Variants in APC observed in about 807,000 individuals in gnomAD.
APC encodes the protein APC regulator of Wnt signaling pathway, also known as adenomatous polyposis coli protein.
Under a neutral mutation model 247.0 loss-of-function variants are expected in APC, and 72 were observed. That is an observed-to-expected ratio of 0.29 (90% CI 0.24 to 0.35). APC has a LOEUF of 0.35. Among genes scored for constraint, APC ranks in the 10% least tolerant of loss-of-function variants. The pLI is 1.00. For synonymous variants in APC, 1,254 were observed against 1,162.5 expected, an observed-to-expected ratio of 1.08 and a Z score of -1.60; for missense variants, 3,400 against 3,360.7, an observed-to-expected ratio of 1.01 and a Z score of -0.29.
chr5:112,838,055 G>A lies in APC; in HGVS notation c.2461G>A (p.Val821Ile), dbSNP rs138498551. Residue 821 changes from valine (V) to isoleucine (I), a missense_variant, in exon 16 of 16, where the codon GTC (valine) becomes ATC (isoleucine). Coordinates refer to ENST00000257430, the MANE Select transcript of APC (RefSeq NM_000038.6). Reference sequence around the variant, plus strand: ...CAATTTTAATACTGGCAACATGACTGTCCTTTCACCATATTTGAATACTAC... The same window carrying A: ...CAATTTTAATACTGGCAACATGACTATCCTTTCACCATATTTGAATACTAC... ...SDNFNTGNMT[V>I]LSPYLNTTVL... 19 of 1,614,150 alleles carry A rather than the reference G, an allele frequency of 1.2e-5. No individual in the cohort carries two copies. In the African/African-American group the frequency reaches 2.3e-4, roughly 19 times the overall value.
intron 8 of APC, chr5:112,810,408 A>G: frequency 4.5e-6 from 1 of 219,866 alleles, no homozygotes; most frequent in Non-Finnish European, 9.3e-6. Context: ...GCAGTAAGAG[A>G]AGAAGAGCCA....
chr5:112,749,967 TG>T (rs1754138553), intron 1 of APC, among the ~76,000 whole-genome samples: 1 of 146,420 alleles, frequency 6.8e-6, no homozygotes, highest in Non-Finnish European at 1.5e-5. Flanking sequence ...TTTTTTTTTT[TG>T]TTTTTTTTTT....
At position 112,707,549 on chromosome 5, in the gene APC, G is replaced by A. The variant is rs1750575005; in HGVS notation, c.-169G>A. ...AGATGGCGGAGGGCAAGTAGCAAGG[G>A]GGCGGGGTGTGGCCGCCGGAAGCCT... On this transcript the variant is annotated 5_prime_UTR_variant, in exon 1 of 14. Transcript: ENST00000507379. The A allele has an allele frequency of 1.8e-6, 1 of 562,980 alleles. No individual in the cohort carries two copies. Among genetic ancestry groups the A allele is most frequent in the East Asian group, 4.0e-5 (1 of 25,112 alleles). 34.9% of individuals were successfully genotyped at this position (562,980 alleles called of 1,614,324 possible).
rs1432451765 is a variant in APC at position 112,842,297 on chromosome 5, G to A, written c.6703G>A (p.Gly2235Arg). ...AGGCAGGACAATGATTCATATTCCA[G>A]GAGTTCGAAATAGCTCCTCAAGTAC... Reference protein sequence around the residue: ...SRGRTMIHIPGVRNSSSSTSP... With the variant: ...SRGRTMIHIPRVRNSSSSTSP... The change falls in exon 16 of 16, where the codon GGA becomes AGA. Residue 2235 changes from glycine to arginine, a missense_variant. Physicochemically the swap from Gly to Arg is moderately radical, Grantham distance 125. Around this residue, in one of 9 missense-constraint regions of APC, gnomAD observed 1,788 missense variants for 1,649.5 expected, o/e 1.08. Coordinates refer to ENST00000257430, the MANE Select transcript of APC (RefSeq NM_000038.6). 3 of 1,613,798 alleles carry A rather than the reference G, an allele frequency of 1.9e-6. No individual in the cohort carries two copies. The African/African-American group carries it at 4.0e-5, about 22-fold the overall frequency.
At chr5:112,835,680 C>G (rs1364943904) in intron 15 of APC, among the ~76,000 whole-genome samples, 1 of 150,800 alleles carries the variant, frequency 6.6e-6, no homozygotes, top group East Asian at 2.0e-4. Context: ...TCAAGCGATT[C>G]TCCCACCTCA....
At chr5:112,758,678 G>C (rs1561450380) in intron 2 of APC, among the ~76,000 whole-genome samples, 1 of 151,544 alleles carries the variant, frequency 6.6e-6, no homozygotes, top group Non-Finnish European at 1.5e-5. Context: ...CCAGGCTGGA[G>C]TGCAGTGGCA....
At chr5:112,777,693 G>A (rs1011828323) in intron 5 of APC, 2 of 218,644 alleles carry the variant, frequency 9.1e-6, no homozygotes, top group African/African-American at 2.3e-5. Context: ...TCTTTTATAA[G>A]CAATTACATT....
intron 1 of APC, among the ~76,000 whole-genome samples, chr5:112,717,908 C>CTTTTTTCTTTTTTTT (rs1751265302): frequency 4.9e-5 from 2 of 40,634 alleles, no homozygotes; most frequent in African/African-American, 8.8e-5. Flanking sequence ...TTTTCTTTTT[C>CTTTTTTCTTTTTTTT]TTTTTTTTTT....
At chr5:112,778,653 T>A (rs1254340863) in intron 5 of APC, among the ~76,000 whole-genome samples, 1 of 149,668 alleles carries the variant, frequency 6.7e-6, no homozygotes, top group Non-Finnish European at 1.5e-5. Flanking sequence ...TTCAAGCGAT[T>A]CTCCTGCCTC....
At position 112,769,167 on chromosome 5, in the gene APC, C is replaced by T. The variant is rs374624822; in HGVS notation, c.422+1777C>T. Among the ~76,000 whole-genome samples, 3 of 147,074 alleles carry T rather than the reference C, an allele frequency of 2.0e-5. No individual in the cohort carries two copies. The South Asian group carries it at 6.5e-4, about 32-fold the overall frequency. ...CTAGGTTCAAGCAATTCTCATGTCT[C>T]AGCCTCCCGGGTAGCTGGGATTACA... On this transcript the variant is annotated intron_variant, in intron 4 of 15. Coordinates refer to ENST00000257430, the MANE Select transcript of APC (RefSeq NM_000038.6).
rs1554084496 is a variant in APC, at chr5:112,838,407, C to G, written c.2813C>G (p.Thr938Ser). The G allele has an allele frequency of 2.5e-6, 4 of 1,614,072 alleles. No individual in the cohort carries two copies. The Admixed American group carries it at 5.0e-5, about 20-fold the overall frequency. The stretch of plus-strand genomic sequence containing the variant: ...ACACATTCAAACACTTACAATTTCA[C>G]TAAGTCGGAAAATTCAAATAGGACA... ...AHTHSNTYNFTKSENSNRTCS... is the reference protein window; with the variant it reads ...AHTHSNTYNFSKSENSNRTCS... The change falls in exon 16 of 16, where the codon ACT becomes AGT. Residue 938 changes from threonine to serine, a missense_variant. Thr to Ser is a moderately conservative substitution (Grantham distance 58). Coordinates refer to ENST00000257430, the MANE Select transcript of APC (RefSeq NM_000038.6).
At chr5:112,758,624 C>T (rs1363441709) in intron 2 of APC, among the ~76,000 whole-genome samples, 2 of 150,600 alleles carry the variant, frequency 1.3e-5, no homozygotes, top group African/African-American at 2.4e-5. Flanking sequence ...ACGCCTGGCC[C>T]CCTCCCCACA....
At chr5:112,758,084 G>A (rs1400563725) in intron 2 of APC, among the ~76,000 whole-genome samples, 2 of 151,816 alleles carry the variant, frequency 1.3e-5, no homozygotes, top group Non-Finnish European at 2.9e-5. Context: ...ACCATGAATT[G>A]ATAATTATTG....
intron 1 of APC, among the ~76,000 whole-genome samples, chr5:112,713,222 T>C (rs1437541337): frequency 6.6e-6 from 1 of 151,688 alleles, no homozygotes; most frequent in Non-Finnish European, 1.5e-5. Context: ...AAATGGAGTA[T>C]TCCATGGTTA....
chr5:112,787,001 C>T (rs1580403361), intron 6 of APC, among the ~76,000 whole-genome samples: 1 of 150,194 alleles, frequency 6.7e-6, no homozygotes, highest in Admixed American at 6.7e-5. Flanking sequence ...GATTCTTGTG[C>T]CTCAGGCTCC....
rs181844624 is a variant in APC, at chr5:112,776,783, A to G, written c.531+1046A>G. Among the ~76,000 whole-genome samples, 11 of 152,188 alleles carry G rather than the reference A, an allele frequency of 7.2e-5. No individual in the cohort carries two copies. The East Asian group carries it at 9.6e-4, about 13-fold the overall frequency. ...TTGAACCTGGGAGGCAGAGGTTGCAATGATCCAAGTTCATGCCACTGCACT... is the reference window on the plus strand; with the variant it reads ...TTGAACCTGGGAGGCAGAGGTTGCAGTGATCCAAGTTCATGCCACTGCACT... On this transcript the variant is annotated intron_variant, in intron 5 of 15. Transcript: ENST00000257430.
At chr5:112,750,812 AT>A (rs1269828479) in intron 1 of APC, among the ~76,000 whole-genome samples, 2 of 152,166 alleles carry the variant, frequency 1.3e-5, no homozygotes, top group African/African-American at 4.8e-5. Context: ...ACTTAAAAAA[AT>A]AAAAGTCTGC....
intron 14 of APC, among the ~76,000 whole-genome samples, chr5:112,832,469 T>G (rs1185847094): frequency 6.6e-6 from 1 of 152,234 alleles, no homozygotes; most frequent in African/African-American, 2.4e-5. Flanking sequence ...CTAGATTGTT[T>G]TGTTCACTTA....
At chr5:112,759,973 A>G (rs1346803227) in intron 2 of APC, among the ~76,000 whole-genome samples, 2 of 152,186 alleles carry the variant, frequency 1.3e-5, no homozygotes, top group African/African-American at 4.8e-5. Flanking sequence ...AAAACACTGG[A>G]TAAAATACAA....
Sources: allele counts gnomAD v4.1 joint callset (sites outside exome capture counted in the v4.1 genomes callset), GRCh38; gene constraint gnomAD v4.1.1; regional missense constraint gnomAD v4.1.1; transcripts MANE v1.5; gene names NCBI Gene and HGNC (gene_info 2026-07-23, HGNC 2026-07-21).